Variants in DENND1B observed in about 807,000 individuals in gnomAD.
DENND1B encodes the protein DENN domain-containing protein 1B.
In DENND1B, 59 loss-of-function variants were observed where a neutral mutation model predicts 90.1. The observed-to-expected ratio is 0.65, with a 90% confidence interval of 0.53 to 0.81. The LOEUF is 0.81. Among genes scored for constraint, DENND1B ranks in the 40% least tolerant of loss-of-function variants. The pLI is 0.00. For missense variants in DENND1B, 862 were observed against 912.6 expected (o/e 0.94, Z 0.71); for synonymous variants, 337 against 324.6 (o/e 1.04, Z -0.41).
intron 2 of DENND1B, among the ~76,000 whole-genome samples, chr1:197,749,339 AC>A (rs1373167296): frequency 5.3e-5 from 8 of 152,204 alleles, no homozygotes; most frequent in Non-Finnish European, 1.0e-4. Flanking sequence ...AGAAAACTAA[AC>A]CTAGCACATA....
At position 197,607,159 on chromosome 1, in the gene DENND1B, A is replaced by G; in HGVS notation, c.835T>C (p.Ser279Pro). Reference sequence around the variant, plus strand: ...TTTAACATAACAACATCTTCCAATGATTTGTTTTTCACTCTCTATAAAAAA... The same window carrying G: ...TTTAACATAACAACATCTTCCAATGGTTTGTTTTTCACTCTCTATAAAAAA... The part of the protein sequence containing the change: ...SSLIERVKNK[S>P]LEDVVMLNVD... Residue 279 changes from serine (S) to proline (P), a missense_variant, in exon 13 of 23, where the codon TCA becomes CCA. By Grantham distance (74) the Ser-to-Pro change is moderately conservative. Coordinates refer to ENST00000620048, the MANE Select transcript of DENND1B (RefSeq NM_001195215.2). 2 of 1,538,176 alleles carry G rather than the reference A, an allele frequency of 1.3e-6. No individual in the cohort carries two copies. The highest frequency in any genetic ancestry group is 2.4e-5 in the East Asian group (1 of 42,490).
At chr1:197,511,246 G>T (rs1314774796) in intron 22 of DENND1B, among the ~76,000 whole-genome samples, 2 of 151,662 alleles carry the variant, frequency 1.3e-5, no homozygotes, top group African/African-American at 4.8e-5. Flanking sequence ...ATCAGAACAG[G>T]ATTGTCATTA....
intron 20 of DENND1B, among the ~76,000 whole-genome samples, chr1:197,527,978 G>T (rs1051272130): frequency 6.6e-6 from 1 of 151,988 alleles, no homozygotes; most frequent in Non-Finnish European, 1.5e-5. Context: ...TACATCATCC[G>T]AACAAGAAAC....
chr1:197,760,887 C>T (rs924798853), intron 2 of DENND1B, among the ~76,000 whole-genome samples: 1 of 152,092 alleles, frequency 6.6e-6, no homozygotes, highest in African/African-American at 2.4e-5. Context: ...ACTAGCATTC[C>T]ATTTCAATAT....
intron 5 of DENND1B, among the ~76,000 whole-genome samples, chr1:197,671,718 C>T (rs1349729587): frequency 2.0e-5 from 3 of 151,666 alleles, no homozygotes; most frequent in African/African-American, 7.3e-5. Context: ...AAAGGGCATA[C>T]ATTAATTTAA....
intron 2 of DENND1B, among the ~76,000 whole-genome samples, chr1:197,733,624 A>G (rs1299372337): frequency 6.6e-6 from 1 of 152,218 alleles, no homozygotes; most frequent in Non-Finnish European, 1.5e-5. Context: ...CCTACTCAAC[A>G]TGCACAATAA....
intron 15 of DENND1B, among the ~76,000 whole-genome samples, chr1:197,577,942 A>G (rs1002846612): frequency 6.6e-6 from 1 of 152,374 alleles, no homozygotes; most frequent in African/African-American, 2.4e-5. Context: ...ATGAAAATAC[A>G]GCCTATTACT....
intron 15 of DENND1B, among the ~76,000 whole-genome samples, chr1:197,567,109 C>A (rs1213418037): frequency 6.6e-6 from 1 of 151,776 alleles, no homozygotes; most frequent in Non-Finnish European, 1.5e-5. Flanking sequence ...AACTGACAAA[C>A]CTTTAGCTGG....
At chr1:197,650,782 C>T (rs920032985) in intron 7 of DENND1B, among the ~76,000 whole-genome samples, 4 of 152,108 alleles carry the variant, frequency 2.6e-5, no homozygotes, top group South Asian at 2.1e-4. Context: ...AATCAAATAT[C>T]GTATGTTCTC....
In DENND1B at chr1:197,510,596, T is replaced by C. The variant is rs1261368020; in HGVS notation, c.2192A>G (p.Lys731Arg). The change falls in exon 23 of 23, where the codon AAA becomes AGA. Residue 731 changes from lysine to arginine, a missense_variant. Lys to Arg is a conservative substitution (Grantham distance 26). Transcript: ENST00000620048. ...AGTCTCTTTGGCTTCTTTCCCTTCTTTCTCCCAAGGAACAAAAGTCGATGA... is the reference window on the plus strand; with the variant it reads ...AGTCTCTTTGGCTTCTTTCCCTTCTCTCTCCCAAGGAACAAAAGTCGATGA... ...RHSSTFVPWE[K>R]EGKEAKETSE... The C allele has an allele frequency of 1.2e-6, 2 of 1,612,654 alleles. No homozygotes were observed. The highest frequency in any genetic ancestry group is 2.2e-5 in the East Asian group (1 of 44,834).
At chr1:197,680,557 A>G (rs1656582075) in intron 3 of DENND1B, among the ~76,000 whole-genome samples, 1 of 152,216 alleles carries the variant, frequency 6.6e-6, no homozygotes, top group African/African-American at 2.4e-5. Context: ...AGTAAAGGAA[A>G]TACAATTCCT....
chr1:197,759,151 TGGTGGAGATGGAGTTTCACACGTTGCCCA>T (rs759083714), intron 2 of DENND1B, among the ~76,000 whole-genome samples: 13 of 151,366 alleles, frequency 8.6e-5, no homozygotes, highest in East Asian at 5.8e-4. Flanking sequence ...TTGTATTTTT[TGGTGGAGATGGAGTTTCACACGTTGCCCA>T]GGTTGCTGGA....
intron 10 of DENND1B, among the ~76,000 whole-genome samples, chr1:197,619,448 T>C (rs1023596598): frequency 6.6e-6 from 1 of 151,152 alleles, no homozygotes; most frequent in African/African-American, 2.4e-5. Flanking sequence ...TTATGAAGCG[T>C]TGAAAGGCAG....
chr1:197,578,279 C>G (rs962231787), intron 15 of DENND1B, among the ~76,000 whole-genome samples: 2 of 152,066 alleles, frequency 1.3e-5, no homozygotes, highest in African/African-American at 4.8e-5. Context: ...GAGTCTTGCT[C>G]TGTTGCCCAG....
Position 197,715,046 on chromosome 1 carries a change from C to G in DENND1B, c.111G>C (p.Glu37Asp). The change falls in exon 3 of 23, where the codon GAG becomes GAC. Residue 37 changes from glutamate (E) to aspartate (D), a missense_variant. Transcript: ENST00000620048. ...EDPVVLWKFP[E>D]DFGDQEILQS... is the part of the protein sequence containing the mutation. ...TGGTACCAACCTGGTCTCCAAAGTC[C>G]TCTGGGAATTTCCACAATACCACAG... 3 of 1,611,218 alleles carry G rather than the reference C, an allele frequency of 1.9e-6. No homozygotes were observed. The highest frequency in any genetic ancestry group is 2.5e-6 in the Non-Finnish European group (3 of 1,178,450).
intron 2 of DENND1B, among the ~76,000 whole-genome samples, chr1:197,757,769 A>G (rs1158206598): frequency 6.6e-6 from 1 of 152,220 alleles, no homozygotes; most frequent in Non-Finnish European, 1.5e-5. Context: ...TTACCAAGAT[A>G]GCCTTGAATT....
At chr1:197,549,185 G>C (rs1161368461) in intron 16 of DENND1B, among the ~76,000 whole-genome samples, 1 of 151,954 alleles carries the variant, frequency 6.6e-6, no homozygotes. Context: ...CACACTTAAG[G>C]ACAAAATATC....
intron 3 of DENND1B, among the ~76,000 whole-genome samples, chr1:197,697,765 A>G (rs1413361212): frequency 6.6e-6 from 1 of 152,100 alleles, no homozygotes; most frequent in Non-Finnish European, 1.5e-5. Context: ...CAGGGATTGT[A>G]GTCCTAGTCT....
intron 20 of DENND1B, among the ~76,000 whole-genome samples, chr1:197,522,345 A>G (rs1668835008): frequency 6.6e-6 from 1 of 152,130 alleles, no homozygotes; most frequent in Non-Finnish European, 1.5e-5. Flanking sequence ...CACAAGCATC[A>G]GAATTACATT....
Sources: gnomAD v4.1 joint callset for allele counts (sites outside exome capture counted in the v4.1 genomes callset) on GRCh38, gnomAD v4.1.1 for gene constraint, MANE v1.5 for transcripts, NCBI Gene and HGNC (gene_info 2026-07-23, HGNC 2026-07-21) for gene names.